SLAIN1: variants seen among roughly 807,000 people sequenced by gnomAD.
SLAIN1 encodes the protein SLAIN family member 1.
Under a neutral mutation model 55.4 loss-of-function variants are expected in SLAIN1, and 17 were observed. The ratio of observed to expected loss-of-function variants is 0.31; its 90% CI spans 0.21 to 0.46. The LOEUF (loss-of-function observed/expected upper bound fraction) is 0.46. Among genes scored for constraint, SLAIN1 ranks in the 20% least tolerant of loss-of-function variants. SLAIN1 has a pLI of 1.00. For synonymous variants in SLAIN1, 348 were observed against 337.4 expected (o/e 1.03, Z -0.35); for missense variants, 682 against 785.1 (o/e 0.87, Z 1.57).
chr13:77,699,048 T>C lies in SLAIN1; in HGVS notation c.626+509T>C, dbSNP rs773718073. 1.4e-5 allele frequency: 21 copies of C among 1,534,384 alleles called. No homozygotes were observed. The African/African-American group carries it at 2.1e-4, about 15-fold the overall frequency. ...AAGCCGCGCAGTGATGGATCTCTCT[T>C]TATAGAGAGGTTCGTTCTTGCTGTT... On this transcript the variant is annotated intron_variant, in intron 1 of 6. Coordinates refer to ENST00000418532, the MANE Select transcript of SLAIN1 (RefSeq NM_001242868.2).
At chr13:77,739,949 A>G (rs1873331300) in intron 2 of SLAIN1, among the ~76,000 whole-genome samples, 1 of 152,046 alleles carries the variant, frequency 6.6e-6, no homozygotes, top group Non-Finnish European at 1.5e-5. Flanking sequence ...CTCAACTTAT[A>G]TTTTTGAAAA....
chr13:77,723,540 A>G (rs2091280789), intron 2 of SLAIN1, among the ~76,000 whole-genome samples: 1 of 152,170 alleles, frequency 6.6e-6, no homozygotes, highest in Non-Finnish European at 1.5e-5. Flanking sequence ...GGTTAGGTAT[A>G]GAATTCTAGG....
In SLAIN1 at chr13:77,698,793, C is replaced by A; in HGVS notation, c.626+254C>A. ...ACCGGCCCCCCCTTCCCCCCATCTG[C>A]CATGGGTTCTGCTATTTGCTGATTG... On this transcript the variant is annotated intron_variant, in intron 1 of 6. Coordinates refer to ENST00000418532, the MANE Select transcript of SLAIN1 (RefSeq NM_001242868.2). This position sits in a 1 kb window ranked among gnomAD's most constrained non-coding sequence, Gnocchi z 4.1. 1 of 1,319,068 alleles carries A rather than the reference C, an allele frequency of 7.6e-7. No homozygotes were observed. The highest frequency in any genetic ancestry group is 1.0e-6 in the Non-Finnish European group (1 of 989,664). 81.7% of individuals were successfully genotyped at this position (1,319,068 alleles called of 1,614,324 possible).
At chr13:77,728,196 C>G (rs2091325573) in intron 2 of SLAIN1, among the ~76,000 whole-genome samples, 1 of 152,086 alleles carries the variant, frequency 6.6e-6, no homozygotes, top group Non-Finnish European at 1.5e-5. Context: ...ATAAAAATAA[C>G]AAAACTGCAT....
At chr13:77,715,474 A>G (rs1380423189) in intron 1 of SLAIN1, among the ~76,000 whole-genome samples, 1 of 152,228 alleles carries the variant, frequency 6.6e-6, no homozygotes, top group East Asian at 1.9e-4. Flanking sequence ...TGTCTGGAAC[A>G]GAGAGTAAGT....
intron 2 of SLAIN1, among the ~76,000 whole-genome samples, chr13:77,727,461 C>A (rs2091317987): frequency 6.9e-6 from 1 of 144,476 alleles, no homozygotes. Flanking sequence ...AAACAATTTT[C>A]ATTGAACATT....
intron 4 of SLAIN1, among the ~76,000 whole-genome samples, chr13:77,747,634 A>G (rs554533159): frequency 1.0e-3 from 155 of 152,310 alleles, no homozygotes; most frequent in African/African-American, 3.7e-3. Context: ...TGCTGCTCTT[A>G]CACAGCCAGA....
At chr13:77,760,765 A>T in intron 5 of SLAIN1, 63 bp from the exon 6 acceptor site, 1 of 1,554,832 alleles carries the variant, frequency 6.4e-7, no homozygotes, top group Non-Finnish European at 8.8e-7. Context: ...TGAAAATAAC[A>T]CACATTTCCT....
chr13:77,714,174 TAAA>T (rs11316609), intron 1 of SLAIN1, among the ~76,000 whole-genome samples: 6 of 151,698 alleles, frequency 4.0e-5, no homozygotes, highest in Non-Finnish European at 7.4e-5. Flanking sequence ...AGTATAGTAA[TAAA>T]AAAATAAGGA....
rs1190926773 is a variant in SLAIN1, at chr13:77,698,298, C to T, written c.385C>T (p.Pro129Ser). The T allele has an allele frequency of 2.8e-6, 4 of 1,441,990 alleles. No homozygotes were observed. The highest frequency in any genetic ancestry group is 2.7e-6 in the Non-Finnish European group (3 of 1,098,752). The allele number at this position is 1,441,990 out of a possible 1,614,324, so 89.3% of individuals were successfully genotyped here. A position where few individuals can be genotyped will look rare whatever the true frequency, so the allele number is the denominator to read the frequency against. ...SPAFPGTFCLPSPAPSLLCSL... is the reference protein window; with the variant it reads ...SPAFPGTFCLSSPAPSLLCSL... Reference sequence around the variant, plus strand: ...CGCGTTCCCGGGCACCTTCTGCCTGCCTAGCCCCGCGCCCTCCCTGCTTTG... The same window carrying T: ...CGCGTTCCCGGGCACCTTCTGCCTGTCTAGCCCCGCGCCCTCCCTGCTTTG... Residue 129 changes from proline (P) to serine (S), a missense_variant, in exon 1 of 7, where the codon CCT becomes TCT. Transcript: ENST00000418532. The surrounding 1 kb of genome is among the most constrained non-coding windows in gnomAD (Gnocchi z 4.1).
At chr13:77,706,043 T>A (rs984168460) in intron 1 of SLAIN1, among the ~76,000 whole-genome samples, 1 of 152,132 alleles carries the variant, frequency 6.6e-6, no homozygotes, top group Admixed American at 6.6e-5. Flanking sequence ...CTCCCCTTGT[T>A]AGGCTTATTA....
At chr13:77,719,217 A>ATATG (rs2091238028) in intron 1 of SLAIN1, among the ~76,000 whole-genome samples, 1 of 151,714 alleles carries the variant, frequency 6.6e-6, no homozygotes, top group Non-Finnish European at 1.5e-5. Context: ...GTCAATAGAG[A>ATATG]TAGTAAGATC....
intron 2 of SLAIN1, among the ~76,000 whole-genome samples, chr13:77,742,384 G>A (rs148164521): frequency 2.6e-5 from 4 of 151,688 alleles, no homozygotes; most frequent in African/African-American, 4.8e-5. Flanking sequence ...TCTCTGTACC[G>A]GATAGTCATT....
At chr13:77,719,464 C>T (rs2091240528) in intron 1 of SLAIN1, 68 bp from the exon 2 acceptor site, 9 of 1,131,194 alleles carry the variant, frequency 8.0e-6, no homozygotes, top group Non-Finnish European at 9.9e-6. Context: ...ATACATGTTG[C>T]TTTCCCCAGA....
chr13:77,757,527 A>C (rs937579576), intron 5 of SLAIN1, among the ~76,000 whole-genome samples: 15 of 151,430 alleles, frequency 9.9e-5, no homozygotes, highest in Admixed American at 2.0e-4. Flanking sequence ...ATTTTGGTGC[A>C]CCTGTTACCG....
Position 77,763,193 on chromosome 13 carries a change from T to C in SLAIN1, c.1746T>C (p.Asp582=). The C allele has an allele frequency of 6.2e-7, 1 of 1,614,064 alleles. No individual in the cohort carries two copies. The highest frequency in any genetic ancestry group is 8.5e-7 in the Non-Finnish European group (1 of 1,179,930). Residue 582 remains aspartate (D), a synonymous_variant, in exon 7 of 7, where the codon GAT becomes GAC. Coordinates refer to ENST00000418532, the MANE Select transcript of SLAIN1 (RefSeq NM_001242868.2). ...TGTCTTCACTCAGCACTCTGAGGGA[T>C]GGAAATTGGAGAGATGGTTGCTACT... The part of the protein sequence containing the change: ...KPLSSLSTLR[D]GNWRDGCY
chr13:77,758,909 G>A (rs1041632942), intron 5 of SLAIN1, among the ~76,000 whole-genome samples: 2 of 152,052 alleles, frequency 1.3e-5, no homozygotes, highest in Non-Finnish European at 2.9e-5. Flanking sequence ...GGCTATGTGG[G>A]CCGTTTTTTG....
intron 4 of SLAIN1, among the ~76,000 whole-genome samples, chr13:77,752,565 C>G (rs982149832): frequency 6.6e-6 from 1 of 152,048 alleles, no homozygotes; most frequent in Non-Finnish European, 1.5e-5. Flanking sequence ...TTGACTCACA[C>G]GATCACAAGG....
chr13:77,698,166 G>A lies in SLAIN1; in HGVS notation c.253G>A (p.Ala85Thr). 1 of 1,167,062 alleles carries A rather than the reference G, an allele frequency of 8.6e-7. No homozygotes were observed. Among genetic ancestry groups the A allele is most frequent in the South Asian group, 4.2e-5 (1 of 24,058 alleles). The allele number at this position is 1,167,062 out of a possible 1,614,324, so 72.3% of individuals were successfully genotyped here. The change falls in exon 1 of 7, where the codon GCC becomes ACC. Residue 85 changes from alanine to threonine, a missense_variant. Transcript: ENST00000418532. The surrounding 1 kb of genome is among the most constrained non-coding windows in gnomAD (Gnocchi z 4.1). ...LQPLGPRSPP[A>T]ATATAAASGG... ...GCCTTTGGGTCCTCGGAGCCCCCCG[G>A]CCGCCACGGCCACCGCCGCGGCCTC...
Sources: allele counts gnomAD v4.1 joint callset (sites outside exome capture counted in the v4.1 genomes callset), GRCh38; gene constraint gnomAD v4.1.1; non-coding constraint Gnocchi (gnomAD v3.1); transcripts MANE v1.5; gene names NCBI Gene and HGNC (gene_info 2026-07-23, HGNC 2026-07-21).